DSCAM: variants seen among roughly 807,000 people sequenced by gnomAD.
DSCAM encodes the protein cell adhesion molecule DSCAM.
Under a neutral mutation model 217.7 loss-of-function variants are expected in DSCAM, and 47 were observed. The ratio of observed to expected loss-of-function variants is 0.22; its 90% CI spans 0.17 to 0.28. DSCAM has a LOEUF of 0.28. Among genes scored for constraint, DSCAM ranks in the 10% least tolerant of loss-of-function variants. The pLI is 1.00. For missense variants in DSCAM, 2,080 were observed against 2,618.3 expected (o/e 0.79, Z 4.49); for synonymous variants, 1,056 against 1,015.3 (o/e 1.04, Z -0.76).
At chr21:40,156,064 ATAATT>A (rs2090473240) in intron 16 of DSCAM, among the ~76,000 whole-genome samples, 1 of 133,400 alleles carries the variant, frequency 7.5e-6, no homozygotes, top group Non-Finnish European at 1.6e-5. Flanking sequence ...TATATATAAT[ATAATT>A]TATATTATAT....
At chr21:40,062,722 G>A in intron 28 of DSCAM, 147 bp downstream of exon 28, 1 of 645,982 alleles carries the variant, frequency 1.5e-6, no homozygotes, top group East Asian at 3.4e-5. Context: ...TGGATATTTT[G>A]GAATGTATAG....
chr21:40,146,946 T>C (rs879725320), intron 16 of DSCAM, among the ~76,000 whole-genome samples: 5 of 152,188 alleles, frequency 3.3e-5, no homozygotes, highest in Non-Finnish European at 7.3e-5. Context: ...GTGACCTAAT[T>C]AATTAATCAA....
chr21:40,703,255 C>T (rs1273117993), intron 2 of DSCAM, among the ~76,000 whole-genome samples: 1 of 152,146 alleles, frequency 6.6e-6, no homozygotes, highest in East Asian at 1.9e-4. Context: ...TCCACTCTTG[C>T]CTGTAATCCT....
chr21:40,579,950 A>G (rs2076890715), intron 3 of DSCAM, among the ~76,000 whole-genome samples: 1 of 152,074 alleles, frequency 6.6e-6, no homozygotes, highest in South Asian at 2.1e-4. Flanking sequence ...TACTCAGCTG[A>G]TGGTCAGGCC....
chr21:40,681,940 G>A (rs2090405351), intron 3 of DSCAM, among the ~76,000 whole-genome samples: 1 of 152,170 alleles, frequency 6.6e-6, no homozygotes. Context: ...CCTCCCCAGA[G>A]TACTGACAGA....
chr21:40,642,060 C>A (rs9284468), intron 3 of DSCAM, among the ~76,000 whole-genome samples: 29,772 of 86,972 alleles, frequency 0.34, 3,672 homozygotes, highest in Admixed American at 0.42. Flanking sequence ...AAAAAAAAAA[C>A]AAAGATTATA....
At chr21:40,398,096 C>T (rs2075198441) in intron 3 of DSCAM, among the ~76,000 whole-genome samples, 1 of 152,166 alleles carries the variant, frequency 6.6e-6, no homozygotes, top group African/African-American at 2.4e-5. Flanking sequence ...TTGGATTCTG[C>T]TGGCTATTGC....
In DSCAM at chr21:40,295,724, G is replaced by A. The variant is rs74551801; in HGVS notation, c.2182+331C>T. 1.2e-3 allele frequency among the ~76,000 whole-genome samples: 186 copies of A among 152,296 alleles called. 3 individuals are homozygous for A. In the East Asian group the frequency reaches 0.019, roughly 15 times the overall value. ...TTTAAACTCACATCTCTTCATGTAC[G>A]AGTGTGCAGTGATCTCTAAGCAGAC... is the stretch of plus-strand genomic sequence containing the variant. On this transcript the variant is annotated intron_variant, in intron 10 of 32. Coordinates refer to ENST00000400454, the MANE Select transcript of DSCAM (RefSeq NM_001389.5).
intron 3 of DSCAM, among the ~76,000 whole-genome samples, chr21:40,571,729 T>A (rs1011493551): frequency 6.6e-6 from 1 of 152,210 alleles, no homozygotes; most frequent in Non-Finnish European, 1.5e-5. Context: ...AGGTTGAGCA[T>A]CCCCAGTCCA....
At chr21:40,687,051 G>A (rs2090487240) in intron 3 of DSCAM, among the ~76,000 whole-genome samples, 1 of 152,082 alleles carries the variant, frequency 6.6e-6, no homozygotes, top group Admixed American at 6.6e-5. Flanking sequence ...TGCACGTTCT[G>A]AGCTGAGAAT....
chr21:40,823,670 T>C (rs765332897), intron 1 of DSCAM, among the ~76,000 whole-genome samples: 11 of 152,194 alleles, frequency 7.2e-5, no homozygotes, highest in Non-Finnish European at 1.6e-4. Context: ...CAGTGAAACC[T>C]CACCCAAATT....
chr21:40,442,701 G>A (rs751762574), intron 3 of DSCAM, among the ~76,000 whole-genome samples: 6 of 151,778 alleles, frequency 4.0e-5, no homozygotes, highest in Admixed American at 6.6e-5. Context: ...CAGTAAAGAC[G>A]GGGTTTCACC....
intron 1 of DSCAM, among the ~76,000 whole-genome samples, chr21:40,796,140 T>G (rs1244922607): frequency 6.6e-6 from 1 of 152,228 alleles, no homozygotes; most frequent in Non-Finnish European, 1.5e-5. Flanking sequence ...CTTCACTCCC[T>G]TTCCTGCAGG....
chr21:40,364,549 G>T, intron 4 of DSCAM, among the ~76,000 whole-genome samples: 2 of 121,048 alleles, frequency 1.7e-5, no homozygotes, highest in African/African-American at 2.9e-5. Context: ...GAGGGGGGAG[G>T]GATAGCACTG....
chr21:40,200,610 C>T (rs537769109), intron 11 of DSCAM, among the ~76,000 whole-genome samples: 4 of 152,270 alleles, frequency 2.6e-5, no homozygotes, highest in Admixed American at 2.6e-4. Context: ...GTGTACAAAA[C>T]ATTATTTTTT....
chr21:40,324,034 C>G (rs904813819), intron 8 of DSCAM, among the ~76,000 whole-genome samples: 4 of 129,094 alleles, frequency 3.1e-5, no homozygotes, highest in African/African-American at 1.2e-4. Flanking sequence ...ACCCAGGAAG[C>G]AGAGATTGCA....
Position 40,390,923 on chromosome 21 carries a change from A to T in DSCAM, c.509-21678T>A, listed in dbSNP as rs917249015. ...GAGGGGACACAATTGAATCTATTAT[A>T]ACATCTCAAAGCAGCTCATTCCTTG... is the stretch of plus-strand genomic sequence containing the variant. On this transcript the variant is annotated intron_variant, in intron 3 of 32. Coordinates refer to ENST00000400454, the MANE Select transcript of DSCAM (RefSeq NM_001389.5). Among the ~76,000 whole-genome samples, 6 of 152,206 alleles carry T rather than the reference A, an allele frequency of 3.9e-5. No homozygotes were observed. The East Asian group carries it at 9.6e-4, about 24-fold the overall frequency.
chr21:40,349,855 A>G (rs9983208), intron 5 of DSCAM, among the ~76,000 whole-genome samples: 77,106 of 152,030 alleles, frequency 0.51, 20,602 homozygotes, highest in South Asian at 0.64. Flanking sequence ...ATAAAGAGAA[A>G]TTCTTTAAAG....
intron 15 of DSCAM, 115 bp from the exon 16 acceptor site, chr21:40,167,403 A>G: frequency 1.1e-6 from 1 of 881,396 alleles, no homozygotes; most frequent in African/African-American, 1.7e-5. Flanking sequence ...GGCACAGAGA[A>G]AGAAGTTTTT....
Sources: allele counts gnomAD v4.1 joint callset (sites outside exome capture counted in the v4.1 genomes callset), GRCh38; gene constraint gnomAD v4.1.1; transcripts MANE v1.5; gene names NCBI Gene and HGNC (gene_info 2026-07-23, HGNC 2026-07-21).